The following TMEM236 variants were observed in gnomAD, a reference collection of about 807,000 sequenced individuals.
TMEM236 encodes family with sequence similarity 23, member A.
Under a neutral mutation model 14.7 loss-of-function variants are expected in TMEM236, and 11 were observed. That is an observed-to-expected ratio of 0.75 (90% CI 0.47 to 1.24). The LOEUF (loss-of-function observed/expected upper bound fraction) is 1.24. Ranked by LOEUF, TMEM236 falls within the 50% of genes most tolerant of loss-of-function variation. TMEM236 has a pLI of 0.00. For synonymous variants in TMEM236, 182 were observed against 168.6 expected (o/e 1.08, Z -0.62); for missense variants, 464 against 427.3 (o/e 1.09, Z -0.76).
chr10:17,776,232 A>C, intron 3 of TMEM236, 62 bp downstream of exon 3: 1 of 1,490,436 alleles, frequency 6.7e-7, no homozygotes, highest in Non-Finnish European at 9.3e-7. Context: ...CATTTCTGCC[A>C]CTGTGTTATC....
At chr10:17,764,350 A>G (rs35601326) in intron 1 of TMEM236, among the ~76,000 whole-genome samples, 10,581 of 152,176 alleles carry the variant, frequency 0.07, 574 homozygotes, top group East Asian at 0.21. Context: ...ACAGAGATCT[A>G]TCGGCAGTAC....
intron 1 of TMEM236, among the ~76,000 whole-genome samples, chr10:17,755,443 C>T (rs921780580): frequency 2.0e-5 from 3 of 152,118 alleles, no homozygotes; most frequent in East Asian, 1.9e-4. Context: ...CTTTAGGTAC[C>T]GATCCCAGAT....
At chr10:17,760,412 A>T (rs1444750657) in intron 1 of TMEM236, among the ~76,000 whole-genome samples, 1 of 151,950 alleles carries the variant, frequency 6.6e-6, no homozygotes, top group Non-Finnish European at 1.5e-5. Flanking sequence ...CTTAAATTGC[A>T]CAAGATCATC....
chr10:17,792,324 G>A (rs1029658150), intron 3 of TMEM236, among the ~76,000 whole-genome samples: 41 of 152,314 alleles, frequency 2.7e-4, no homozygotes, highest in African/African-American at 9.9e-4. Context: ...CTGGCCTCAA[G>A]CGATCCCCCT....
intron 1 of TMEM236, among the ~76,000 whole-genome samples, chr10:17,758,475 C>A (rs1299187938): frequency 6.6e-6 from 1 of 152,136 alleles, no homozygotes; most frequent in African/African-American, 2.4e-5. Flanking sequence ...GACCATGAAA[C>A]CTTATGTGAG....
At chr10:17,756,037 T>G (rs1302211170) in intron 1 of TMEM236, among the ~76,000 whole-genome samples, 2 of 152,028 alleles carry the variant, frequency 1.3e-5, no homozygotes, top group African/African-American at 4.8e-5. Flanking sequence ...GAGGCCAAGG[T>G]GGGAGGATTG....
chr10:17,787,990 A>G (rs907085827), intron 3 of TMEM236, among the ~76,000 whole-genome samples: 3 of 152,058 alleles, frequency 2.0e-5, no homozygotes, highest in African/African-American at 7.2e-5. Context: ...CTCTTTGGCA[A>G]TGAGATAACT....
chr10:17,796,219 C>T lies in TMEM236; in HGVS notation c.771C>T (p.His257=), dbSNP rs1838012257. ...DTIEMVRVAG[H]PNVYKSSWLY... ...TAGAAATGGTGCGTGTGGCTGGTCA[C>T]CCCAACGTGTACAAGTCAAGCTGGC... The change falls in exon 4 of 4, where the codon CAC becomes CAT. Residue 257 remains histidine (H), a synonymous_variant. Transcript: ENST00000377495. 1.2e-6 allele frequency: 2 copies of T among 1,613,832 alleles called. No individual in the cohort carries two copies. Among genetic ancestry groups the T allele is most frequent in the African/African-American group, 2.7e-5 (2 of 74,924 alleles).
intron 1 of TMEM236, among the ~76,000 whole-genome samples, chr10:17,764,346 A>G (rs1202769971): frequency 6.6e-6 from 1 of 152,112 alleles, no homozygotes; most frequent in Non-Finnish European, 1.5e-5. Context: ...GCACACAGAG[A>G]TCTATCGGCA....
Position 17,796,048 on chromosome 10 carries a change from A to C in TMEM236, c.600A>C (p.Pro200=). ...QATNSTQVSQ[P]SGAMTRSQES... ...CCAACAGCACCCAGGTGTCGCAGCC[A>C]TCAGGAGCCATGACACGGAGCCAGG... Residue 200 remains proline (P), a synonymous_variant, in exon 4 of 4, where the codon CCA becomes CCC. Transcript: ENST00000377495. 1 of 1,613,962 alleles carries C rather than the reference A, an allele frequency of 6.2e-7. No individual in the cohort carries two copies. The highest frequency in any genetic ancestry group is 1.3e-5 in the African/African-American group (1 of 75,036).
intron 3 of TMEM236, among the ~76,000 whole-genome samples, chr10:17,787,497 G>A (rs1236161985): frequency 2.6e-5 from 4 of 152,202 alleles, no homozygotes; most frequent in African/African-American, 4.8e-5. Flanking sequence ...GACTCTACGG[G>A]AACCAGAGTC....
At chr10:17,791,484 G>A (rs1041117699) in intron 3 of TMEM236, among the ~76,000 whole-genome samples, 12 of 152,060 alleles carry the variant, frequency 7.9e-5, no homozygotes, top group African/African-American at 2.2e-4. Context: ...GACATAAAAT[G>A]GGAAAACCAT....
chr10:17,798,492 T>G lies in TMEM236; in HGVS notation c.*1988T>G. On this transcript the variant is annotated 3_prime_UTR_variant, in exon 4 of 4. Coordinates refer to ENST00000377495, the MANE Select transcript of TMEM236 (RefSeq NM_001098844.3). ...AGGTCAAGGCTACAGTGAGCTATGA[T>G]CATGCCACTGCACTCCAGACTGGGC... The G allele has an allele frequency of 3.8e-6, 2 of 520,102 alleles. No homozygotes were observed. The highest frequency in any genetic ancestry group is 7.9e-6 in the Non-Finnish European group (2 of 253,972). 32.2% of individuals were successfully genotyped at this position (520,102 alleles called of 1,614,324 possible). A position where few individuals can be genotyped will look rare whatever the true frequency, so the allele number is the denominator to read the frequency against.
At chr10:17,783,110 A>T (rs1221084171) in intron 3 of TMEM236, among the ~76,000 whole-genome samples, 1 of 152,098 alleles carries the variant, frequency 6.6e-6, no homozygotes, top group Non-Finnish European at 1.5e-5. Flanking sequence ...GAAGCTGGGG[A>T]TGGAGAGAGT....
chr10:17,783,417 A>G (rs1185867449), intron 3 of TMEM236, among the ~76,000 whole-genome samples: 4 of 152,200 alleles, frequency 2.6e-5, no homozygotes, highest in Non-Finnish European at 5.9e-5. Flanking sequence ...AGCTCCCTGC[A>G]AAGGAGGCGG....
At chr10:17,785,149 A>G (rs1837813252) in intron 3 of TMEM236, among the ~76,000 whole-genome samples, 1 of 152,230 alleles carries the variant, frequency 6.6e-6, no homozygotes, top group Non-Finnish European at 1.5e-5. Flanking sequence ...GAATGCCAAC[A>G]GTAATTTTTA....
chr10:17,782,170 G>A (rs1382942816), intron 3 of TMEM236, among the ~76,000 whole-genome samples: 1 of 152,058 alleles, frequency 6.6e-6, no homozygotes, highest in African/African-American at 2.4e-5. Context: ...ACTGGCTTGA[G>A]GCTCAACACC....
At chr10:17,764,642 G>A (rs1184773818) in intron 1 of TMEM236, among the ~76,000 whole-genome samples, 1 of 152,082 alleles carries the variant, frequency 6.6e-6, no homozygotes, top group African/African-American at 2.4e-5. Flanking sequence ...TGACGGCAAG[G>A]TTGGTTCCTT....
At chr10:17,779,160 G>T (rs943083061) in intron 3 of TMEM236, among the ~76,000 whole-genome samples, 17 of 152,286 alleles carry the variant, frequency 1.1e-4, no homozygotes, top group African/African-American at 4.1e-4. Context: ...TTTGCTAACT[G>T]AATCCCATGT....
Sources: allele counts gnomAD v4.1 joint callset (sites outside exome capture counted in the v4.1 genomes callset), GRCh38; gene constraint gnomAD v4.1.1; transcripts MANE v1.5; gene names NCBI Gene and HGNC (gene_info 2026-07-23, HGNC 2026-07-21).